MAD1L1: variants seen among roughly 807,000 people sequenced by gnomAD.
MAD1L1 encodes the protein mitotic arrest deficient 1 like 1.
Under a neutral mutation model 96.9 loss-of-function variants are expected in MAD1L1, and 95 were observed. The ratio of observed to expected loss-of-function variants is 0.98; its 90% confidence interval spans 0.83 to 1.16. The LOEUF (loss-of-function observed/expected upper bound fraction) is 1.16, where lower values mean the gene tolerates loss of function less well. Ranked by LOEUF, MAD1L1 falls within the 50% of genes most tolerant of loss-of-function variation. MAD1L1 has a pLI of 0.00. For synonymous variants in MAD1L1, 473 were observed against 396.6 expected (o/e 1.19, Z -2.29); for missense variants, 1,007 against 954.4 (o/e 1.06, Z -0.73).
intron 12 of MAD1L1, among the ~76,000 whole-genome samples, chr7:2,056,210 G>T (rs991006852): frequency 1.3e-5 from 2 of 152,126 alleles, no homozygotes; most frequent in African/African-American, 4.8e-5. Context: ...GCAGGTACTG[G>T]GTGTTATAAA....
At chr7:1,998,071 G>A (rs977419419) in intron 14 of MAD1L1, among the ~76,000 whole-genome samples, 5 of 152,260 alleles carry the variant, frequency 3.3e-5, no homozygotes, top group Admixed American at 6.5e-5. Context: ...GAAATTATAT[G>A]GGCTAAAAAA....
intron 18 of MAD1L1, among the ~76,000 whole-genome samples, chr7:1,894,247 T>A (rs58746312): frequency 0.014 from 2,158 of 152,270 alleles, 45 homozygotes; most frequent in African/African-American, 0.049. Flanking sequence ...GGAGGATTTC[T>A]CAGGAGGCCA....
intron 18 of MAD1L1, among the ~76,000 whole-genome samples, chr7:1,884,146 TG>T (rs1465539798): frequency 6.6e-6 from 1 of 152,208 alleles, no homozygotes; most frequent in African/African-American, 2.4e-5. Flanking sequence ...AGTCTCCACT[TG>T]GGGCAGGGCC....
At chr7:2,143,761 G>A (rs1336763488) in intron 11 of MAD1L1, among the ~76,000 whole-genome samples, 1 of 152,064 alleles carries the variant, frequency 6.6e-6, no homozygotes, top group Admixed American at 6.5e-5. Flanking sequence ...AGCAAGGTGG[G>A]ATCTTCAAAA....
chr7:1,828,432 A>G (rs1420081755), intron 18 of MAD1L1, among the ~76,000 whole-genome samples: 3 of 152,210 alleles, frequency 2.0e-5, no homozygotes, highest in African/African-American at 7.2e-5. Context: ...CTGGAGCATT[A>G]GAGAGAAAAA....
chr7:2,132,003 C>T (rs1379358641), intron 11 of MAD1L1, among the ~76,000 whole-genome samples: 2 of 152,160 alleles, frequency 1.3e-5, no homozygotes, highest in African/African-American at 2.4e-5. Context: ...CGCGGCGCTG[C>T]CTCCTGACGC....
chr7:1,834,166 A>G (rs532878938), intron 18 of MAD1L1, among the ~76,000 whole-genome samples: 19 of 152,338 alleles, frequency 1.2e-4, no homozygotes, highest in Middle Eastern at 3.4e-3. Context: ...AATTTGTGGG[A>G]TGCCACTAGA....
intron 10 of MAD1L1, among the ~76,000 whole-genome samples, chr7:2,195,743 G>A (rs1791954409): frequency 6.6e-6 from 1 of 152,226 alleles, no homozygotes; most frequent in Non-Finnish European, 1.5e-5. Flanking sequence ...ACTCTACCTT[G>A]CAGAGAGCCT....
At chr7:1,998,274 C>A (rs866864638) in intron 14 of MAD1L1, among the ~76,000 whole-genome samples, 1 of 152,174 alleles carries the variant, frequency 6.6e-6, no homozygotes, top group South Asian at 2.1e-4. Context: ...GTGAGCAGCT[C>A]CTCCAAAACC....
intron 18 of MAD1L1, among the ~76,000 whole-genome samples, chr7:1,824,624 A>G (rs1782294433): frequency 2.0e-5 from 3 of 152,002 alleles, no homozygotes; most frequent in Admixed American, 2.0e-4. Flanking sequence ...CTTCCCACAG[A>G]GGCTCCCCCA....
chr7:2,188,823 A>C (rs1791581380), intron 10 of MAD1L1, among the ~76,000 whole-genome samples: 2 of 152,236 alleles, frequency 1.3e-5, no homozygotes, highest in African/African-American at 4.8e-5. Flanking sequence ...CAAAAAAAAA[A>C]TAGACAAATG....
intron 10 of MAD1L1, among the ~76,000 whole-genome samples, chr7:2,198,601 G>A (rs549375924): frequency 1.4e-4 from 22 of 152,308 alleles, no homozygotes; most frequent in Middle Eastern, 3.4e-3. Flanking sequence ...GCTTCCTGGG[G>A]GTCAAGAGCA....
At chr7:1,860,815 C>A (rs1342404354) in intron 18 of MAD1L1, among the ~76,000 whole-genome samples, 1 of 152,218 alleles carries the variant, frequency 6.6e-6, no homozygotes, top group African/African-American at 2.4e-5. Flanking sequence ...GTGAGCATCC[C>A]GAGCACAAGG....
chr7:2,014,087 G>A (rs942245962), intron 13 of MAD1L1, among the ~76,000 whole-genome samples: 2 of 152,196 alleles, frequency 1.3e-5, no homozygotes, highest in African/African-American at 4.8e-5. Context: ...TCAGGCCCCA[G>A]CAGAGCCTCC....
intron 18 of MAD1L1, among the ~76,000 whole-genome samples, chr7:1,862,485 G>A (rs1234474728): frequency 1.3e-5 from 2 of 152,192 alleles, no homozygotes; most frequent in Non-Finnish European, 2.9e-5. Flanking sequence ...CAGCAGGGCC[G>A]ACCTGGATCC....
At chr7:1,870,914 C>T (rs1235000469) in intron 18 of MAD1L1, among the ~76,000 whole-genome samples, 1 of 148,132 alleles carries the variant, frequency 6.8e-6, no homozygotes, top group Non-Finnish European at 1.5e-5. Flanking sequence ...TAACACCTGC[C>T]ACGCTGAACC....
chr7:2,145,604 A>T (rs1487402583), intron 11 of MAD1L1, among the ~76,000 whole-genome samples: 2 of 152,270 alleles, frequency 1.3e-5, no homozygotes, highest in East Asian at 3.9e-4. Context: ...ATATGGTGTC[A>T]TTTTCTCTTC....
chr7:1,996,002 G>C (rs375595276), intron 14 of MAD1L1, among the ~76,000 whole-genome samples: 1 of 152,212 alleles, frequency 6.6e-6, no homozygotes, highest in East Asian at 1.9e-4. Context: ...GACAGATTCC[G>C]GGCTGGGCAC....
intron 18 of MAD1L1, among the ~76,000 whole-genome samples, chr7:1,884,996 C>G (rs1051926267): frequency 7.9e-5 from 12 of 152,204 alleles, no homozygotes; most frequent in Non-Finnish European, 4.4e-5. Context: ...GATCACTGTG[C>G]ATGAAGTTAC....
Sources: gnomAD v4.1 joint callset for allele counts (sites outside exome capture counted in the v4.1 genomes callset) on GRCh38, gnomAD v4.1.1 for gene constraint, MANE v1.5 for transcripts, NCBI Gene and HGNC (gene_info 2026-07-23, HGNC 2026-07-21) for gene names.